The following AK3 variants were observed in gnomAD, a reference collection of about 807,000 sequenced individuals.
AK3 encodes the protein GTP:AMP phosphotransferase AK3, mitochondrial.
AK3 carries 27 observed loss-of-function variants against 23.7 expected under a neutral mutation model. The ratio of observed to expected loss-of-function variants is 1.14; its 90% CI spans 0.84 to 1.57. The LOEUF (loss-of-function observed/expected upper bound fraction) is 1.57. Ranked by LOEUF, AK3 falls within the 40% of genes most tolerant of loss-of-function variation. The pLI is 0.00. For missense variants in AK3, 406 were observed against 285.6 expected (o/e 1.42, Z -3.04); for synonymous variants, 159 against 116.0 (o/e 1.37, Z -2.38).
At chr9:4,728,866 T>TATACACACACACACACACACAC (rs1395790351) in intron 1 of AK3, among the ~76,000 whole-genome samples, 1 of 87,894 alleles carries the variant, frequency 1.1e-5, no homozygotes, top group Non-Finnish European at 2.4e-5. Context: ...TATATATATA[T>TATACACACACACACACACACAC]ACACACACAC....
intron 4 of AK3, among the ~76,000 whole-genome samples, chr9:4,718,188 C>A (rs756341823): frequency 1.2e-4 from 19 of 152,208 alleles, no homozygotes; most frequent in Non-Finnish European, 2.6e-4. Context: ...CCAATACACA[C>A]ACAGGAAGGC....
intron 1 of AK3, among the ~76,000 whole-genome samples, chr9:4,737,305 G>A (rs367553786): frequency 2.6e-5 from 4 of 152,038 alleles, no homozygotes; most frequent in South Asian, 4.1e-4. Context: ...GAATCTCATC[G>A]TCTAATTCAT....
chr9:4,727,242 T>C (rs910258300), intron 1 of AK3, among the ~76,000 whole-genome samples: 3 of 152,186 alleles, frequency 2.0e-5, no homozygotes, highest in Admixed American at 6.5e-5. Flanking sequence ...AGTCAGCCTG[T>C]CCTTTGAAGC....
intron 1 of AK3, among the ~76,000 whole-genome samples, chr9:4,733,398 G>A (rs1179572378): frequency 6.6e-6 from 1 of 152,170 alleles, no homozygotes; most frequent in Non-Finnish European, 1.5e-5. Flanking sequence ...TGGGAAGCAG[G>A]AAGGAGATGT....
intron 1 of AK3, 69 bp downstream of exon 1, chr9:4,740,868 T>G (rs1842412993): frequency 1.4e-6 from 2 of 1,394,690 alleles, no homozygotes; most frequent in Non-Finnish European, 1.9e-6. Context: ...GTGCCCAGCT[T>G]CGGCCCCTCG....
rs1273638825 is a variant in AK3, at chr9:4,710,748, C to T, written c.*2228G>A. ...GCAACATATCGAGACGCCGTCTCTACAAAAAAATAAAATTAGCCAGGCATG... is the reference window on the plus strand; with the variant it reads ...GCAACATATCGAGACGCCGTCTCTATAAAAAAATAAAATTAGCCAGGCATG... On this transcript the variant is annotated 3_prime_UTR_variant, in exon 5 of 5. Transcript: ENST00000381809. The T allele has an allele frequency of 2.7e-5, 4 of 146,984 alleles. No individual in the cohort carries two copies. Among genetic ancestry groups the T allele is most frequent in the African/African-American group, 9.9e-5 (4 of 40,392 alleles). 9.1% of individuals were successfully genotyped at this position (146,984 alleles called of 1,614,324 possible).
chr9:4,717,787 G>A (rs948202455), intron 4 of AK3, among the ~76,000 whole-genome samples: 15 of 152,220 alleles, frequency 9.9e-5, no homozygotes, highest in Admixed American at 7.9e-4. Flanking sequence ...TAAGTGTTCT[G>A]AGCATGTTTA....
At chr9:4,732,127 T>A (rs1026699752) in intron 1 of AK3, among the ~76,000 whole-genome samples, 1 of 150,622 alleles carries the variant, frequency 6.6e-6, no homozygotes, top group African/African-American at 2.4e-5. Context: ...TTTTTTTTAC[T>A]TTTTTGTAGA....
chr9:4,718,598 G>C, intron 3 of AK3, 61 bp from the exon 4 acceptor site: 1 of 1,300,594 alleles, frequency 7.7e-7, no homozygotes, highest in Non-Finnish European at 1.1e-6. Flanking sequence ...ATTTTCATAA[G>C]CAGTTCAATT....
intron 4 of AK3, among the ~76,000 whole-genome samples, chr9:4,717,893 G>A (rs1298496472): frequency 6.6e-6 from 1 of 152,236 alleles, no homozygotes; most frequent in Non-Finnish European, 1.5e-5. Flanking sequence ...GCACATAGCA[G>A]AGTATGGATG....
At position 4,736,359 on chromosome 9, in the gene AK3, G is replaced by A. The variant is rs548963169; in HGVS notation, c.151+4578C>T. Among the ~76,000 whole-genome samples, 17 of 151,606 alleles carry A rather than the reference G, an allele frequency of 1.1e-4. No individual in the cohort carries two copies. In the South Asian group the frequency reaches 3.3e-3, roughly 30 times the overall value. Reference sequence around the variant, plus strand: ...TTAAAAAACACATACACAAAGAGAAGCATAGGTAAACATTTGATTGTATAA... The same window carrying A: ...TTAAAAAACACATACACAAAGAGAAACATAGGTAAACATTTGATTGTATAA... On this transcript the variant is annotated intron_variant, in intron 1 of 4. Coordinates refer to ENST00000381809, the MANE Select transcript of AK3 (RefSeq NM_016282.4).
intron 1 of AK3, among the ~76,000 whole-genome samples, chr9:4,738,451 A>C (rs55800129): frequency 0.32 from 48,468 of 151,992 alleles, 9,070 homozygotes; most frequent in Non-Finnish European, 0.4. Context: ...CAGGCGTGAG[A>C]CACCCCGCCC....
chr9:4,723,236 A>AAT (rs1290916707), intron 1 of AK3, among the ~76,000 whole-genome samples: 2 of 152,234 alleles, frequency 1.3e-5, no homozygotes, highest in African/African-American at 4.8e-5. Context: ...TGGTTTTGAA[A>AAT]ATATATATGT....
chr9:4,740,698 G>A (rs930115788), intron 1 of AK3, among the ~76,000 whole-genome samples: 15 of 152,140 alleles, frequency 9.9e-5, no homozygotes, highest in African/African-American at 2.7e-4. Flanking sequence ...TGAACTTCGA[G>A]CTCGACCTAA....
chr9:4,721,671 C>A (rs554806838), intron 2 of AK3, among the ~76,000 whole-genome samples: 21 of 152,254 alleles, frequency 1.4e-4, no homozygotes, highest in African/African-American at 4.3e-4. Flanking sequence ...GTTGGCCAGG[C>A]TGGTCTTGAA....
At chr9:4,722,778 C>T (rs553168551) in intron 1 of AK3, among the ~76,000 whole-genome samples, 153 bp from the exon 2 acceptor site, 137 of 152,258 alleles carry the variant, frequency 9.0e-4, no homozygotes, top group Admixed American at 3.8e-3. Flanking sequence ...AGGTTATGGC[C>T]GGGAACAGTG....
chr9:4,728,767 A>T (rs1164911683), intron 1 of AK3, among the ~76,000 whole-genome samples: 3 of 150,018 alleles, frequency 2.0e-5, no homozygotes, highest in Admixed American at 1.3e-4. Flanking sequence ...AGGCCAAGGA[A>T]GGAGTTTCAC....
upstream of AK3, chr9:4,741,333 C>A (rs1456489368): frequency 2.9e-6 from 1 of 349,022 alleles, no homozygotes; most frequent in Admixed American, 5.8e-5. Flanking sequence ...CGCCTGTTCC[C>A]GCCCAGCCGC....
intron 1 of AK3, among the ~76,000 whole-genome samples, chr9:4,723,617 G>T (rs564848869): frequency 7.9e-5 from 12 of 151,826 alleles, no homozygotes; most frequent in Non-Finnish European, 1.6e-4. Context: ...CATAATCTGC[G>T]TATCTACAAT....
Sources: allele counts gnomAD v4.1 joint callset (sites outside exome capture counted in the v4.1 genomes callset), GRCh38; gene constraint gnomAD v4.1.1; transcripts MANE v1.5; gene names NCBI Gene and HGNC (gene_info 2026-07-23, HGNC 2026-07-21).